The following PFKL variants were observed in gnomAD, a reference collection of about 807,000 sequenced individuals.
PFKL encodes ATP-dependent 6-phosphofructokinase, liver type.
Under a neutral mutation model 92.1 loss-of-function variants are expected in PFKL, and 74 were observed. The observed-to-expected ratio is 0.80, with a 90% CI of 0.67 to 0.97. PFKL has a LOEUF of 0.97. Ranked by LOEUF, PFKL falls within the 50% of genes least tolerant of loss-of-function variation. The pLI, the probability that PFKL is intolerant of heterozygous loss-of-function variation, is 0.00. For synonymous variants in PFKL, 494 were observed against 456.4 expected, an observed-to-expected ratio of 1.08 and a Z score of -1.05; for missense variants, 1,028 against 1,116.6, an observed-to-expected ratio of 0.92 and a Z score of 1.13.
Position 44,324,843 on chromosome 21 carries a change from G to T in PFKL, c.1816-13G>T. On this transcript the variant is annotated splice_polypyrimidine_tract_variant and intron_variant, in intron 17 of 21. Coordinates refer to ENST00000349048, the MANE Select transcript of PFKL (RefSeq NM_002626.6). ...ACAGTCCTCCGGCTCATCCGTGTCC[G>T]CCCCTCCCGCAGGTCAACGTGGAGC... 6.2e-7 allele frequency: 1 copy of T among 1,604,198 alleles called. No individual in the cohort carries two copies. Among genetic ancestry groups the T allele is most frequent in the Non-Finnish European group, 8.5e-7 (1 of 1,175,416 alleles).
At chr21:44,302,472 C>T (rs1324511599) in intron 1 of PFKL, among the ~76,000 whole-genome samples, 1 of 152,158 alleles carries the variant, frequency 6.6e-6, no homozygotes, top group Admixed American at 6.5e-5. Context: ...CCCAGGCCAC[C>T]ACTGCTGCTG....
At chr21:44,323,406 G>A (rs192060393) in intron 15 of PFKL, among the ~76,000 whole-genome samples, 1 of 152,332 alleles carries the variant, frequency 6.6e-6, no homozygotes, top group African/African-American at 2.4e-5. Flanking sequence ...AGGCAGAGGT[G>A]TAGGTGCTGG....
chr21:44,324,402 A>T, intron 16 of PFKL, 89 bp from the exon 17 acceptor site: 1 of 1,400,094 alleles, frequency 7.1e-7, no homozygotes. Context: ...GGCTTTGGAG[A>T]CACAGGGCTC....
chr21:44,321,850 G>T lies in PFKL; in HGVS notation c.1313G>T (p.Gly438Val). The T allele has an allele frequency of 6.4e-7, 1 of 1,560,592 alleles. No individual in the cohort carries two copies. The change falls in exon 13 of 22, where the codon GGC becomes GTC. Residue 438 changes from glycine (G) to valine (V), a missense_variant. Gly to Val is a moderately radical substitution (Grantham distance 109). Coordinates refer to ENST00000349048, the MANE Select transcript of PFKL (RefSeq NM_002626.6). The stretch of plus-strand genomic sequence containing the variant: ...CACACAGTATACGTGGTGCACGATG[G>T]CTTCGAAGGCCTAGCCAAGGGTCAG... Reference protein sequence around the residue: ...HGHTVYVVHDGFEGLAKGQVQ... With the variant: ...HGHTVYVVHDVFEGLAKGQVQ...
At chr21:44,322,045 C>A in intron 13 of PFKL, 88 bp from the exon 14 acceptor site, 1 of 1,492,116 alleles carries the variant, frequency 6.7e-7, no homozygotes. Flanking sequence ...ATGCCCAACA[C>A]TGGCTGGCCC....
At position 44,319,766 on chromosome 21, in the gene PFKL, G is replaced by A. The variant is rs887832679; in HGVS notation, c.1128-318G>A. 5.0e-5 allele frequency: 26 copies of A among 518,512 alleles called. 1 individual carries two copies. The highest frequency in any genetic ancestry group is 7.7e-5 in the African/African-American group (4 of 52,202). The allele number at this position is 518,512 out of a possible 1,614,324, so 32.1% of individuals were successfully genotyped here. A position where few individuals can be genotyped will look rare whatever the true frequency, so the allele number is the denominator to read the frequency against. ...ACCACCCCCCTGCAGGCGTCCTGGC[G>A]GCCGGGTCAGGCTGGATTGGACGTC... On this transcript the variant is annotated intron_variant, in intron 11 of 21. Transcript: ENST00000349048.
At chr21:44,312,496 G>A (rs940411010) in intron 4 of PFKL, among the ~76,000 whole-genome samples, 13 of 152,200 alleles carry the variant, frequency 8.5e-5, no homozygotes, top group Non-Finnish European at 1.5e-4. Context: ...CAGTGCTCAA[G>A]CCTGAGGGAG....
intron 2 of PFKL, 103 bp from the exon 3 acceptor site, chr21:44,310,902 TG>T: frequency 1.2e-6 from 1 of 802,226 alleles, no homozygotes; most frequent in Non-Finnish European, 2.1e-6. Context: ...GTCAGCACCC[TG>T]GTCCTGCTTT....
chr21:44,320,968 C>T (rs907534951), intron 12 of PFKL: 10 of 152,284 alleles, frequency 6.6e-5, no homozygotes, highest in Admixed American at 4.6e-4. Context: ...CCCTGCTGCT[C>T]CAGCCTCCTG....
chr21:44,316,210 C>T (rs778758185), intron 7 of PFKL, 34 bp from the exon 8 acceptor site: 3 of 1,604,066 alleles, frequency 1.9e-6, no homozygotes, highest in Non-Finnish European at 2.6e-6. Flanking sequence ...GTTTCCCTGC[C>T]TGGCAGCTGA....
chr21:44,323,859 A>G lies in PFKL; in HGVS notation c.1591A>G (p.Asn531Asp). The change falls in exon 16 of 22, where the codon AAC (asparagine) becomes GAC (aspartate). Residue 531 changes from asparagine (N) to aspartate (D), a missense_variant. Coordinates refer to ENST00000349048, the MANE Select transcript of PFKL (RefSeq NM_002626.6). ...TGTCATCCCAGCCACCATCAGCAAC[A>G]ACGTCCCTGGCACCGACTTCAGCCT... ...MCVIPATISN[N>D]VPGTDFSLGS... 6.2e-7 allele frequency: 1 copy of G among 1,613,544 alleles called. No homozygotes were observed. The highest frequency in any genetic ancestry group is 8.5e-7 in the Non-Finnish European group (1 of 1,179,952).
At chr21:44,304,020 C>T (rs531048073) in intron 1 of PFKL, among the ~76,000 whole-genome samples, 25 of 145,604 alleles carry the variant, frequency 1.7e-4, no homozygotes, top group African/African-American at 6.5e-4. Flanking sequence ...CTTCAGGCCG[C>T]AGCCAGTCCC....
chr21:44,322,979 A>G lies in PFKL; in HGVS notation c.1427A>G (p.Gln476Arg). 1 of 1,612,262 alleles carries G rather than the reference A, an allele frequency of 6.2e-7. No homozygotes were observed. Among genetic ancestry groups the G allele is most frequent in the Non-Finnish European group, 8.5e-7 (1 of 1,179,118 alleles). ...GACTGCAGGACCCTGCCCAAGGGCC[A>G]GCTGGAGTCCATTGTGGAGAACATC... ...LGTKRTLPKG[Q>R]LESIVENIRI... Residue 476 changes from glutamine (Q) to arginine (R), a missense_variant, in exon 15 of 22, where the codon CAG becomes CGG. Gln to Arg is a conservative substitution (Grantham distance 43, BLOSUM62 1). Transcript: ENST00000349048.
intron 2 of PFKL, chr21:44,307,162 TG>T (rs1364414409): frequency 1.5e-5 from 7 of 466,344 alleles, no homozygotes; most frequent in Non-Finnish European, 2.0e-5. Flanking sequence ...TCACCGCCTC[TG>T]CCCTTGTCCT....
intron 1 of PFKL, among the ~76,000 whole-genome samples, chr21:44,302,162 G>T (rs998845863): frequency 6.6e-6 from 1 of 152,244 alleles, no homozygotes; most frequent in East Asian, 1.9e-4. Flanking sequence ...AGCTGGGAGG[G>T]TGCCCACAGT....
rs966307624 is a variant in PFKL at position 44,307,327 on chromosome 21, G to T, written c.159+573G>T. 6 of 984,952 alleles carry T rather than the reference G, an allele frequency of 6.1e-6. No homozygotes were observed. The Admixed American group carries it at 1.8e-4, about 30-fold the overall frequency. 61.0% of individuals were successfully genotyped at this position (984,952 alleles called of 1,614,324 possible). ...AGATTTGGGGCTCGCCCTCCGTCCTGGGTATTTACACACCCACACTTGCGC... is the reference window on the plus strand; with the variant it reads ...AGATTTGGGGCTCGCCCTCCGTCCTTGGTATTTACACACCCACACTTGCGC... On this transcript the variant is annotated intron_variant, in intron 2 of 21. Coordinates refer to ENST00000349048, the MANE Select transcript of PFKL (RefSeq NM_002626.6).
At chr21:44,325,061 C>A in intron 18 of PFKL, 92 bp from the exon 19 acceptor site, 1 of 1,183,492 alleles carries the variant, frequency 8.4e-7, no homozygotes, top group Non-Finnish European at 1.2e-6. Context: ...GGAGCTGCCA[C>A]TCCCTCTCCC....
chr21:44,302,431 A>G (rs1027880071), intron 1 of PFKL, among the ~76,000 whole-genome samples: 2 of 152,180 alleles, frequency 1.3e-5, no homozygotes, highest in African/African-American at 4.8e-5. Flanking sequence ...GTCCTGTTTC[A>G]TGAGTTCGGA....
chr21:44,326,629 G>T, intron 21 of PFKL, 86 bp from the exon 22 acceptor site: 1 of 1,292,180 alleles, frequency 7.7e-7, no homozygotes, highest in East Asian at 2.7e-5. Flanking sequence ...CTGCAGGGTC[G>T]GGGGGGGTGG....
Sources: allele counts gnomAD v4.1 joint callset (sites outside exome capture counted in the v4.1 genomes callset), GRCh38; gene constraint gnomAD v4.1.1; transcripts MANE v1.5; gene names NCBI Gene and HGNC (gene_info 2026-07-23, HGNC 2026-07-21).